CHD5: variants seen among roughly 807,000 people sequenced by gnomAD.
CHD5 encodes chromodomain helicase DNA binding protein 5.
In CHD5, 69 loss-of-function variants were observed where a neutral mutation model predicts 230.3. That is an observed-to-expected ratio of 0.30 (90% CI 0.25 to 0.37). The LOEUF is 0.37. Ranked by LOEUF, CHD5 falls within the 10% of genes least tolerant of loss-of-function variation. The pLI, the probability that CHD5 is intolerant of heterozygous loss-of-function variation, is 1.00. For synonymous variants in CHD5, 1,064 were observed against 1,065.9 expected (o/e 1.00, Z 0.03); for missense variants, 1,827 against 2,622.8 (o/e 0.70, Z 6.63).
intron 15 of CHD5, among the ~76,000 whole-genome samples, chr1:6,139,942 G>A (rs1223735581): frequency 6.6e-6 from 1 of 152,066 alleles, no homozygotes; most frequent in South Asian, 2.1e-4. Flanking sequence ...AACAGTTTCC[G>A]AGCATCTCTA....
chr1:6,115,186 C>T (rs1164453215), intron 33 of CHD5, among the ~76,000 whole-genome samples: 1 of 148,978 alleles, frequency 6.7e-6, no homozygotes, highest in Non-Finnish European at 1.5e-5. Context: ...GTTAGCCGGG[C>T]GTGGTGGCGG....
intron 1 of CHD5, among the ~76,000 whole-genome samples, chr1:6,168,987 C>T (rs1333700841): frequency 1.3e-5 from 2 of 151,024 alleles, no homozygotes; most frequent in African/African-American, 4.9e-5. Context: ...CAACTGCCCT[C>T]CAGCCTGGGC....
chr1:6,137,858 C>T (rs1312282985), intron 15 of CHD5, among the ~76,000 whole-genome samples: 1 of 152,206 alleles, frequency 6.6e-6, no homozygotes, highest in Non-Finnish European at 1.5e-5. Flanking sequence ...GTGCTGGGGG[C>T]GTGGAGCCTC....
chr1:6,160,327 G>A (rs1298291416), intron 2 of CHD5, among the ~76,000 whole-genome samples: 1 of 75,184 alleles, frequency 1.3e-5, no homozygotes, highest in Non-Finnish European at 2.6e-5. Flanking sequence ...GCCAGGGAAG[G>A]GCCCCAGCAA....
At chr1:6,175,511 G>A (rs969620433) in intron 1 of CHD5, among the ~76,000 whole-genome samples, 2 of 148,432 alleles carry the variant, frequency 1.3e-5, no homozygotes, top group South Asian at 2.1e-4. Context: ...AATGGTGGAT[G>A]GGCAGATGGA....
At position 6,112,780 on chromosome 1, in the gene CHD5, C is replaced by T. The variant is rs67289110; in HGVS notation, c.5002+129G>A. 0.18 allele frequency: 115,457 copies of T among 657,760 alleles called. 11,374 individuals carry two copies. The highest frequency in any genetic ancestry group is 0.25 in the Middle Eastern group (630 of 2,546). The allele number at this position is 657,760 out of a possible 1,614,324, so 40.7% of individuals were successfully genotyped here. A position where few individuals can be genotyped will look rare whatever the true frequency, so the allele number is the denominator to read the frequency against. On this transcript the variant is annotated intron_variant, in intron 34 of 41. Transcript: ENST00000262450. ...GGGGCTGGTGAATCCAGGCTCCCAC[C>T]TGCCAGCTCCAATCAGGCCTGGGGC...
intron 36 of CHD5, among the ~76,000 whole-genome samples, chr1:6,110,885 T>A (rs72632504): frequency 0.092 from 14,005 of 152,252 alleles, 868 homozygotes; most frequent in East Asian, 0.19. Flanking sequence ...GAAAGGGTCA[T>A]GCTGGACTAG....
At chr1:6,110,166 T>G (rs1571137441) in intron 37 of CHD5, among the ~76,000 whole-genome samples, 176 bp from the exon 38 acceptor site, 1 of 152,196 alleles carries the variant, frequency 6.6e-6, no homozygotes, top group Non-Finnish European at 1.5e-5. Flanking sequence ...GTCACCAAGC[T>G]GGGTTCTCTG....
chr1:6,120,931 T>C (rs567995323), intron 33 of CHD5, among the ~76,000 whole-genome samples, 174 bp downstream of exon 33: 2 of 149,602 alleles, frequency 1.3e-5, no homozygotes, highest in East Asian at 2.0e-4. Flanking sequence ...ATTAAGTCCA[T>C]GTATAGAGGC....
intron 31 of CHD5, 82 bp downstream of exon 31, chr1:6,123,866 T>C (rs2843494): frequency 0.1 from 98,906 of 987,950 alleles, 6,308 homozygotes; most frequent in East Asian, 0.31. Context: ...TTCTGTGGGA[T>C]TGTGGGTTAG....
intron 36 of CHD5, 44 bp from the exon 37 acceptor site, chr1:6,110,570 G>C (rs1194777331): frequency 1.4e-5 from 22 of 1,602,812 alleles, no homozygotes; most frequent in Non-Finnish European, 1.5e-5. Flanking sequence ...GTTAGAAGTG[G>C]TGGGGCCGTA....
chr1:6,178,507 T>C (rs960992793), intron 1 of CHD5, among the ~76,000 whole-genome samples: 1 of 151,794 alleles, frequency 6.6e-6, no homozygotes, highest in Non-Finnish European at 1.5e-5. Context: ...AGGTGGAAAA[T>C]GGCCACTGAT....
At position 6,177,845 on chromosome 1, in the gene CHD5, G is replaced by A. The variant is rs77603987; in HGVS notation, c.79+2100C>T. ...CCAGAAGCAGCAAGGAGGCCAGCGT[G>A]GCTGCTGTGAACAAAGGGGTACAGG... On this transcript the variant is annotated intron_variant, in intron 1 of 41. Transcript: ENST00000262450. Among the ~76,000 whole-genome samples the A allele has an allele frequency of 1.4e-4, 21 of 152,348 alleles. No individual in the cohort carries two copies. The East Asian group carries it at 3.5e-3, about 25-fold the overall frequency.
chr1:6,139,861 T>C (rs1666801141), intron 15 of CHD5, among the ~76,000 whole-genome samples: 1 of 152,220 alleles, frequency 6.6e-6, no homozygotes. Context: ...GAGGTTCTTT[T>C]GCGTCTGATG....
chr1:6,147,947 C>T (rs72852047), intron 9 of CHD5, among the ~76,000 whole-genome samples: 6,922 of 152,074 alleles, frequency 0.046, 526 homozygotes, highest in African/African-American at 0.16. Context: ...CCCTCCTACC[C>T]CCATCCCAGC....
chr1:6,159,982 G>C (rs1265058716), intron 2 of CHD5, among the ~76,000 whole-genome samples: 1 of 152,232 alleles, frequency 6.6e-6, no homozygotes, highest in Non-Finnish European at 1.5e-5. Context: ...AAGTGCACAG[G>C]AAGAGCCCCA....
intron 2 of CHD5, among the ~76,000 whole-genome samples, chr1:6,165,179 A>G (rs532262262): frequency 2.6e-4 from 40 of 152,196 alleles, no homozygotes; most frequent in Non-Finnish European, 4.9e-4. Context: ...CCCAGGTCTC[A>G]AAGACCCCCT....
Position 6,121,041 on chromosome 1 carries a change from C to G in CHD5, c.4912+64G>C, listed in dbSNP as rs974072856. 1.1e-5 allele frequency: 16 copies of G among 1,490,158 alleles called. No individual in the cohort carries two copies. The African/African-American group carries it at 2.3e-4, about 21-fold the overall frequency. 92.3% of individuals were successfully genotyped at this position (1,490,158 alleles called of 1,614,324 possible). A position where few individuals can be genotyped will look rare whatever the true frequency, so the allele number is the denominator to read the frequency against. The stretch of plus-strand genomic sequence containing the variant: ...CGGAAGTACAGCCACCTGCCCTTCT[C>G]TGAACCCAGGCCTGCTGAGGCCAGA... On this transcript the variant is annotated intron_variant, in intron 33 of 41. Coordinates refer to ENST00000262450, the MANE Select transcript of CHD5 (RefSeq NM_015557.3). This position sits in a 1 kb window ranked among gnomAD's most constrained non-coding sequence, Gnocchi z 4.5.
chr1:6,143,695 ACTGT>A (rs1281380758), intron 13 of CHD5, 124 bp downstream of exon 13: 1 of 802,072 alleles, frequency 1.2e-6, no homozygotes, highest in Admixed American at 2.1e-5. Context: ...TGGGCATGAC[ACTGT>A]CTGCATAAGC....
Sources: allele counts gnomAD v4.1 joint callset (sites outside exome capture counted in the v4.1 genomes callset), GRCh38; gene constraint gnomAD v4.1.1; non-coding constraint Gnocchi (gnomAD v3.1); transcripts MANE v1.5; gene names NCBI Gene and HGNC (gene_info 2026-07-23, HGNC 2026-07-21).